Variants in WDPCP observed in about 807,000 individuals in gnomAD.
The protein encoded by WDPCP is WD repeat-containing and planar cell polarity effector protein fritz homolog.
WDPCP carries 71 observed loss-of-function variants against 93.1 expected under a neutral mutation model. The observed-to-expected ratio is 0.76, with a 90% confidence interval of 0.63 to 0.93. The LOEUF is 0.93. WDPCP is among the 40% of genes least tolerant of loss of function. WDPCP has a pLI of 0.00. For synonymous variants in WDPCP, 315 were observed against 315.0 expected (o/e 1.00, Z 0.00); for missense variants, 844 against 887.4 (o/e 0.95, Z 0.62).
At chr2:63,155,132 G>C (rs1672148451) in intron 15 of WDPCP, among the ~76,000 whole-genome samples, 1 of 152,154 alleles carries the variant, frequency 6.6e-6, no homozygotes, top group African/African-American at 2.4e-5. Flanking sequence ...AGGAACAACA[G>C]TTGATGAAGT....
chr2:63,489,064 G>C (rs1178295685), intron 2 of WDPCP, among the ~76,000 whole-genome samples: 1 of 152,040 alleles, frequency 6.6e-6, no homozygotes, highest in Non-Finnish European at 1.5e-5. Context: ...GGTATTAGAG[G>C]CTAAACAAGG....
At chr2:63,391,601 C>T (rs1489658201) in intron 10 of WDPCP, among the ~76,000 whole-genome samples, 4 of 152,140 alleles carry the variant, frequency 2.6e-5, no homozygotes, top group Non-Finnish European at 5.9e-5. Context: ...GTCAAATTGT[C>T]CCTGTTTGCA....
intron 2 of WDPCP, among the ~76,000 whole-genome samples, chr2:63,692,553 A>G (rs1668905952): frequency 6.6e-6 from 1 of 152,224 alleles, no homozygotes; most frequent in African/African-American, 2.4e-5. Flanking sequence ...GTCATCTTCT[A>G]AACAGTATAA....
chr2:63,565,643 A>T (rs1706985747), intron 1 of WDPCP, among the ~76,000 whole-genome samples: 1 of 152,202 alleles, frequency 6.6e-6, no homozygotes. Flanking sequence ...AGATAATCTT[A>T]AAAAGCAAGC....
chr2:63,434,829 T>C (rs1429583610), intron 8 of WDPCP, among the ~76,000 whole-genome samples: 1 of 152,104 alleles, frequency 6.6e-6, no homozygotes, highest in East Asian at 1.9e-4. Context: ...CATATTCCTG[T>C]CTGCAAGGCA....
chr2:63,815,322 TAATC>T (rs1252166733), intron 1 of WDPCP, among the ~76,000 whole-genome samples: 5 of 152,200 alleles, frequency 3.3e-5, no homozygotes, highest in Non-Finnish European at 7.4e-5. Flanking sequence ...TAATAAATAA[TAATC>T]AGAGACTTTC....
rs1002693559 is a variant in WDPCP at position 63,533,385 on chromosome 2, C to T, written c.76-40445G>A. ...TAATAGACATCTACAGAATTCTCCACCCCAGATCAACAGAATACACATTCT... is the reference window on the plus strand; with the variant it reads ...TAATAGACATCTACAGAATTCTCCATCCCAGATCAACAGAATACACATTCT... On this transcript the variant is annotated intron_variant, in intron 1 of 17. Transcript: ENST00000272321. Among the ~76,000 whole-genome samples, 5 of 152,288 alleles carry T rather than the reference C, an allele frequency of 3.3e-5. No individual in the cohort carries two copies. In the East Asian group the frequency reaches 5.8e-4, roughly 18 times the overall value.
intron 2 of WDPCP, among the ~76,000 whole-genome samples, chr2:63,810,766 G>A (rs2104086337): frequency 6.6e-6 from 1 of 152,326 alleles, no homozygotes; most frequent in South Asian, 2.1e-4. Context: ...AGGAGAAACA[G>A]GATCAAATTT....
chr2:63,777,022 A>G (rs1338193286), intron 2 of WDPCP, among the ~76,000 whole-genome samples: 1 of 152,186 alleles, frequency 6.6e-6, no homozygotes, highest in East Asian at 1.9e-4. Context: ...AACTACAGTT[A>G]ACAATATGGT....
rs762871297 is a variant in WDPCP at position 63,153,519 on chromosome 2, T to C, written c.2134A>G (p.Met712Val). The change falls in exon 16 of 18, where the codon ATG (methionine) becomes GTG (valine). Residue 712 changes from methionine (M) to valine (V), a missense_variant. Met to Val is a conservative substitution (Grantham distance 21). Coordinates refer to ENST00000272321, the MANE Select transcript of WDPCP (RefSeq NM_015910.7). Reference protein sequence around the residue: ...LEKDICSGFLMTNTCNAEDGE... With the variant: ...LEKDICSGFLVTNTCNAEDGE... ...CCTTCTGCATTACAGGTATTAGTCA[T>C]CAAAAATCCAGAACAGATGTCTTTT... 1.2e-6 allele frequency: 2 copies of C among 1,612,718 alleles called. No homozygotes were observed. Among genetic ancestry groups the C allele is most frequent in the Non-Finnish European group, 8.5e-7 (1 of 1,179,162 alleles).
chr2:63,269,034 T>TTTTA (rs1411554176), intron 13 of WDPCP, among the ~76,000 whole-genome samples: 7 of 152,194 alleles, frequency 4.6e-5, no homozygotes, highest in African/African-American at 1.4e-4. Context: ...AGTCTTTTTT[T>TTTTA]TTTATTTGTT....
chr2:63,769,042 T>A (rs899449183), intron 2 of WDPCP, among the ~76,000 whole-genome samples: 1 of 152,022 alleles, frequency 6.6e-6, no homozygotes, highest in Non-Finnish European at 1.5e-5. Flanking sequence ...AGAACTACTC[T>A]GAGTTTGATA....
At position 63,120,062 on chromosome 2, in the gene WDPCP, T is replaced by C. The variant is rs1574650180; in HGVS notation, c.*1944A>G. Reference sequence around the variant, plus strand: ...ATTATTATCATTATGTAGAAAAACATAGATGTATCAATATCCATATTTTAT... The same window carrying C: ...ATTATTATCATTATGTAGAAAAACACAGATGTATCAATATCCATATTTTAT... On this transcript the variant is annotated 3_prime_UTR_variant, in exon 18 of 18. Transcript: ENST00000272321. 6.6e-6 allele frequency among the ~76,000 whole-genome samples: 1 copy of C among 152,200 alleles called. No homozygotes were observed. The highest frequency in any genetic ancestry group is 6.5e-5 in the Admixed American group (1 of 15,274).
At chr2:63,237,334 T>A (rs1479686819) in intron 14 of WDPCP, among the ~76,000 whole-genome samples, 2 of 152,100 alleles carry the variant, frequency 1.3e-5, no homozygotes, top group East Asian at 3.8e-4. Context: ...AAACAGCAGA[T>A]GTTGGCAAGG....
intron 1 of WDPCP, among the ~76,000 whole-genome samples, chr2:63,550,706 T>C (rs1705549546): frequency 6.6e-6 from 1 of 151,524 alleles, no homozygotes; most frequent in Non-Finnish European, 1.5e-5. Flanking sequence ...TACATATACA[T>C]ATATGTGTGT....
Position 63,234,395 on chromosome 2 carries a change from A to C in WDPCP, c.1915+24912T>G, listed in dbSNP as rs188820200. Among the ~76,000 whole-genome samples the C allele has an allele frequency of 2.0e-3, 310 of 152,298 alleles. 1 individual carries two copies. Among genetic ancestry groups the C allele is most frequent in the Admixed American group, 0.017 (266 of 15,284 alleles). On this transcript the variant is annotated intron_variant, in intron 14 of 17. Transcript: ENST00000272321. ...CTTAAGCCCAGGAGTTTGGGGCTGC[A>C]GTGAGCTATGAACATGCCACTGCAT... is the stretch of plus-strand genomic sequence containing the variant.
chr2:63,623,891 G>C (rs1056405709), intron 3 of WDPCP, among the ~76,000 whole-genome samples: 5 of 152,116 alleles, frequency 3.3e-5, no homozygotes, highest in Admixed American at 3.3e-4. Context: ...TAAATTCTCA[G>C]CACCACATTG....
chr2:63,582,483 G>A (rs941444143), intron 1 of WDPCP, among the ~76,000 whole-genome samples: 1 of 152,006 alleles, frequency 6.6e-6, no homozygotes, highest in East Asian at 1.9e-4. Context: ...GAATCGAAGA[G>A]CACACAGAAA....
chr2:63,364,168 T>C (rs940717038), intron 12 of WDPCP, among the ~76,000 whole-genome samples: 14 of 152,224 alleles, frequency 9.2e-5, no homozygotes, highest in African/African-American at 3.4e-4. Flanking sequence ...AGATTCTCCA[T>C]TTCTGATAAG....
Sources: allele counts gnomAD v4.1 joint callset (sites outside exome capture counted in the v4.1 genomes callset), GRCh38; gene constraint gnomAD v4.1.1; transcripts MANE v1.5; gene names NCBI Gene and HGNC (gene_info 2026-07-23, HGNC 2026-07-21).